LRP1B: variants seen among roughly 807,000 people sequenced by gnomAD.
The protein encoded by LRP1B is low-density lipoprotein receptor-related protein 1B.
LRP1B carries 217 observed loss-of-function variants against 556.6 expected under a neutral mutation model. The ratio of observed to expected loss-of-function variants is 0.39; its 90% confidence interval spans 0.35 to 0.44. The LOEUF (loss-of-function observed/expected upper bound fraction) is 0.44, where lower values mean the gene tolerates loss of function less well. Among genes scored for constraint, LRP1B ranks in the 20% least tolerant of loss-of-function variants. The probability of loss-of-function intolerance (pLI) is 1.00; values close to 1 mark genes in which losing one functional copy is unlikely to be tolerated. For missense variants in LRP1B, 5,053 were observed against 5,620.8 expected, an observed-to-expected ratio of 0.90 and a Z score of 3.23; for synonymous variants, 2,047 against 1,865.8, an observed-to-expected ratio of 1.10 and a Z score of -2.50.
chr2:141,814,214 A>G (rs1054567518), intron 1 of LRP1B, among the ~76,000 whole-genome samples: 1 of 152,138 alleles, frequency 6.6e-6, no homozygotes, highest in Admixed American at 6.6e-5. Flanking sequence ...GTGCCCAGAA[A>G]AGTAGTCAAT....
intron 1 of LRP1B, among the ~76,000 whole-genome samples, chr2:141,940,752 G>C (rs1005654230): frequency 6.6e-6 from 1 of 152,114 alleles, no homozygotes; most frequent in African/African-American, 2.4e-5. Flanking sequence ...AAAGAGAGTA[G>C]GATGTGAAAT....
At chr2:142,118,000 T>G (rs1379165299) in intron 1 of LRP1B, among the ~76,000 whole-genome samples, 1 of 152,170 alleles carries the variant, frequency 6.6e-6, no homozygotes, top group Non-Finnish European at 1.5e-5. Context: ...CCTTTTCCTC[T>G]GAGTCTAGGA....
intron 2 of LRP1B, among the ~76,000 whole-genome samples, chr2:141,600,075 C>T (rs920084655): frequency 6.6e-6 from 1 of 152,150 alleles, no homozygotes; most frequent in Non-Finnish European, 1.5e-5. Flanking sequence ...ATTCAGTACG[C>T]TGATCAACAT....
At chr2:140,766,836 T>A (rs963116747) in intron 35 of LRP1B, among the ~76,000 whole-genome samples, 1,049 of 20,076 alleles carry the variant, frequency 0.052, 15 homozygotes, top group Non-Finnish European at 0.12. Context: ...TATATATATA[T>A]ATATATATTA....
At chr2:141,652,915 T>G (rs536650349) in intron 2 of LRP1B, among the ~76,000 whole-genome samples, 48 of 152,290 alleles carry the variant, frequency 3.2e-4, no homozygotes, top group Middle Eastern at 3.4e-3. Flanking sequence ...CTTCATATGC[T>G]AAGGACCACT....
intron 32 of LRP1B, among the ~76,000 whole-genome samples, chr2:140,809,756 T>C (rs962615186): frequency 6.6e-6 from 1 of 152,166 alleles, no homozygotes; most frequent in African/African-American, 2.4e-5. Flanking sequence ...TGGTTTGGAG[T>C]ATCCCTTGAG....
intron 1 of LRP1B, among the ~76,000 whole-genome samples, chr2:141,997,357 A>C (rs1334713050): frequency 6.6e-6 from 1 of 150,534 alleles, no homozygotes; most frequent in Non-Finnish European, 1.5e-5. Flanking sequence ...AATCAGCTTA[A>C]TTAAAATGTA....
chr2:140,277,746 A>G (rs542138329), intron 84 of LRP1B, among the ~76,000 whole-genome samples: 57 of 152,106 alleles, frequency 3.7e-4, no homozygotes, highest in African/African-American at 1.3e-3. Context: ...CTGATAATAC[A>G]ATAATAGTGG....
chr2:141,412,454 T>C (rs1416078607), intron 3 of LRP1B, among the ~76,000 whole-genome samples: 1 of 152,194 alleles, frequency 6.6e-6, no homozygotes, highest in Non-Finnish European at 1.5e-5. Context: ...GAGAAGCACA[T>C]ACTCATCCAG....
intron 3 of LRP1B, among the ~76,000 whole-genome samples, chr2:141,414,098 G>A (rs1256610724): frequency 2.0e-5 from 3 of 151,804 alleles, no homozygotes; most frequent in South Asian, 2.1e-4. Context: ...TTAGCCGGGT[G>A]TGGTGGCGGG....
At chr2:141,096,641 A>G (rs932620985) in intron 7 of LRP1B, among the ~76,000 whole-genome samples, 25 of 82,420 alleles carry the variant, frequency 3.0e-4, no homozygotes, top group African/African-American at 9.4e-4. Flanking sequence ...AGAGAGAGAG[A>G]GAGAGAGAGA....
intron 3 of LRP1B, among the ~76,000 whole-genome samples, chr2:141,296,119 C>T (rs975018612): frequency 1.3e-5 from 2 of 151,986 alleles, no homozygotes; most frequent in Non-Finnish European, 2.9e-5. Flanking sequence ...CCTTTAGGAG[C>T]CCATCTATGG....
chr2:141,914,000 C>T (rs1006786080), intron 1 of LRP1B, among the ~76,000 whole-genome samples: 1 of 152,132 alleles, frequency 6.6e-6, no homozygotes, highest in African/African-American at 2.4e-5. Flanking sequence ...CCCACCTTGG[C>T]CTCCCAAAGT....
chr2:140,286,533 A>G (rs1195782694), intron 84 of LRP1B, among the ~76,000 whole-genome samples: 3 of 151,832 alleles, frequency 2.0e-5, no homozygotes, highest in Non-Finnish European at 4.4e-5. Flanking sequence ...AAATTCCCAG[A>G]AATATGGCAT....
intron 84 of LRP1B, among the ~76,000 whole-genome samples, chr2:140,292,814 C>T (rs1683444937): frequency 6.6e-6 from 1 of 152,106 alleles, no homozygotes; most frequent in South Asian, 2.1e-4. Flanking sequence ...TGAACTGACT[C>T]ATGGGATAAA....
intron 19 of LRP1B, 31 bp downstream of exon 19, chr2:140,951,829 T>G: frequency 6.5e-7 from 1 of 1,549,210 alleles, no homozygotes; most frequent in East Asian, 2.3e-5. Flanking sequence ...CCGATCAAAT[T>G]AGTGCTATAC....
intron 1 of LRP1B, among the ~76,000 whole-genome samples, chr2:142,036,001 T>A (rs769430121): frequency 1.3e-5 from 2 of 151,688 alleles, no homozygotes; most frequent in Non-Finnish European, 3.0e-5. Context: ...ATGTAAGAAG[T>A]GCTTTTTACC....
At chr2:142,106,270 T>C (rs1706743635) in intron 1 of LRP1B, among the ~76,000 whole-genome samples, 1 of 152,216 alleles carries the variant, frequency 6.6e-6, no homozygotes, top group Non-Finnish European at 1.5e-5. Context: ...ATTGGATAAT[T>C]TTTTAAAATC....
chr2:141,319,212 T>C (rs1687139185), intron 3 of LRP1B, among the ~76,000 whole-genome samples: 1 of 151,982 alleles, frequency 6.6e-6, no homozygotes, highest in African/African-American at 2.4e-5. Flanking sequence ...TTTTTATTGT[T>C]TTTCATGAAC....
Sources: gnomAD v4.1 joint callset for allele counts (sites outside exome capture counted in the v4.1 genomes callset) on GRCh38, gnomAD v4.1.1 for gene constraint, MANE v1.5 for transcripts, NCBI Gene and HGNC (gene_info 2026-07-23, HGNC 2026-07-21) for gene names.